SPATA17: variants seen among roughly 807,000 people sequenced by gnomAD.
SPATA17 encodes the protein spermatogenesis-associated protein 17.
SPATA17 carries 53 observed loss-of-function variants against 62.2 expected under a neutral mutation model. The observed-to-expected ratio is 0.85, with a 90% CI of 0.68 to 1.07. The LOEUF (loss-of-function observed/expected upper bound fraction) is 1.07, where lower values mean the gene tolerates loss of function less well. SPATA17 is among the 50% of genes least tolerant of loss of function. The probability of loss-of-function intolerance (pLI) is 0.00; values close to 1 mark genes in which losing one functional copy is unlikely to be tolerated. For synonymous variants in SPATA17, 146 were observed against 146.8 expected (o/e 0.99, Z 0.04); for missense variants, 466 against 425.5 (o/e 1.10, Z -0.84).
chr1:217,773,781 A>G (rs1486649002), intron 6 of SPATA17, among the ~76,000 whole-genome samples: 1 of 152,122 alleles, frequency 6.6e-6, no homozygotes, highest in Non-Finnish European at 1.5e-5. Flanking sequence ...ATTATAGGTG[A>G]TACCTGTAGC....
At chr1:217,710,153 C>G (rs1334881574) in intron 5 of SPATA17, among the ~76,000 whole-genome samples, 1 of 152,112 alleles carries the variant, frequency 6.6e-6, no homozygotes, top group African/African-American at 2.4e-5. Flanking sequence ...TTGTGTGGTA[C>G]ATATGCAAAA....
intron 4 of SPATA17, among the ~76,000 whole-genome samples, chr1:217,673,652 G>A (rs1028503633): frequency 2.6e-5 from 4 of 152,072 alleles, no homozygotes; most frequent in African/African-American, 4.8e-5. Flanking sequence ...ATGTACAACT[G>A]TATATCTTCT....
chr1:217,700,496 G>A (rs960345631), intron 5 of SPATA17, among the ~76,000 whole-genome samples: 1 of 151,966 alleles, frequency 6.6e-6, no homozygotes, highest in Non-Finnish European at 1.5e-5. Flanking sequence ...AAAATCTATT[G>A]AATAGATTTT....
chr1:217,715,420 A>T (rs1482810240), intron 5 of SPATA17, among the ~76,000 whole-genome samples: 1 of 152,188 alleles, frequency 6.6e-6, no homozygotes, highest in Non-Finnish European at 1.5e-5. Flanking sequence ...TCCAATTTTA[A>T]TCTTATATTA....
chr1:217,773,300 A>T (rs2102971336), intron 6 of SPATA17, among the ~76,000 whole-genome samples: 1 of 152,304 alleles, frequency 6.6e-6, no homozygotes, highest in South Asian at 2.1e-4. Flanking sequence ...GTAAGAATGG[A>T]TACATTTAAT....
chr1:217,794,702 T>C (rs1310648355), intron 8 of SPATA17, among the ~76,000 whole-genome samples: 2 of 152,216 alleles, frequency 1.3e-5, no homozygotes, highest in African/African-American at 2.4e-5. Context: ...ACTTGGACTC[T>C]TTGGTTTACA....
chr1:217,684,114 G>A (rs1558564741), intron 5 of SPATA17, among the ~76,000 whole-genome samples: 1 of 152,102 alleles, frequency 6.6e-6, no homozygotes, highest in Non-Finnish European at 1.5e-5. Context: ...GTTTTGATTT[G>A]TTTAAACACA....
chr1:217,737,788 C>T (rs1672543000), intron 5 of SPATA17: 1 of 151,712 alleles, frequency 6.6e-6, no homozygotes. Context: ...CAAAGAGCCC[C>T]ATAGTGATGC....
intron 9 of SPATA17, among the ~76,000 whole-genome samples, chr1:217,806,266 G>A (rs1674433636): frequency 6.6e-6 from 1 of 152,224 alleles, no homozygotes; most frequent in African/African-American, 2.4e-5. Flanking sequence ...CTGTGGGTGA[G>A]GTAGAGTCTC....
At chr1:217,652,736 T>C (rs1344756193) in intron 3 of SPATA17, among the ~76,000 whole-genome samples, 1 of 152,194 alleles carries the variant, frequency 6.6e-6, no homozygotes, top group Non-Finnish European at 1.5e-5. Context: ...GCATTAAATA[T>C]GCAATATCTC....
intron 5 of SPATA17, among the ~76,000 whole-genome samples, chr1:217,688,737 T>C (rs11117907): frequency 0.048 from 7,312 of 152,234 alleles, 576 homozygotes; most frequent in African/African-American, 0.16. Context: ...CTCATCTGCA[T>C]GCCCGGAGAC....
In SPATA17 at chr1:217,867,981, T is replaced by G. The variant is rs530373642; in HGVS notation, c.*962T>G. The G allele has an allele frequency of 6.6e-6, 1 of 152,210 alleles. No individual in the cohort carries two copies. Among genetic ancestry groups the G allele is most frequent in the African/African-American group, 2.4e-5 (1 of 41,550 alleles). The allele number at this position is 152,210 out of a possible 1,614,324, so 9.4% of individuals were successfully genotyped here. ...TTGCTGGCCAGCGAAATCCAGACTC[T>G]GGGAAATGTTATAGGCCAAATGATC... On this transcript the variant is annotated 3_prime_UTR_variant, in exon 11 of 11. Coordinates refer to ENST00000366933, the MANE Select transcript of SPATA17 (RefSeq NM_138796.4).
intron 6 of SPATA17, among the ~76,000 whole-genome samples, chr1:217,756,301 T>C (rs902294866): frequency 4.1e-5 from 6 of 145,864 alleles, no homozygotes; most frequent in African/African-American, 1.5e-4. Flanking sequence ...ATGTCTATAT[T>C]TGCCCAAATA....
At chr1:217,777,565 C>G (rs1673623905) in intron 7 of SPATA17, among the ~76,000 whole-genome samples, 2 of 152,026 alleles carry the variant, frequency 1.3e-5, no homozygotes, top group Non-Finnish European at 2.9e-5. Flanking sequence ...CCATGCCCTG[C>G]TAAGTTTTGT....
intron 5 of SPATA17, among the ~76,000 whole-genome samples, chr1:217,717,420 G>A (rs1326350770): frequency 6.6e-6 from 1 of 152,034 alleles, no homozygotes; most frequent in Non-Finnish European, 1.5e-5. Flanking sequence ...AACCAGCCTG[G>A]ACAACATGGA....
intron 5 of SPATA17, among the ~76,000 whole-genome samples, chr1:217,696,385 C>T (rs902999756): frequency 6.6e-6 from 1 of 152,188 alleles, no homozygotes; most frequent in African/African-American, 2.4e-5. Flanking sequence ...GGCCTGCGCC[C>T]ACTGTCTGGC....
chr1:217,710,580 A>G lies in SPATA17; in HGVS notation c.395+27219A>G, dbSNP rs180675550. On this transcript the variant is annotated intron_variant, in intron 5 of 10. Coordinates refer to ENST00000366933, the MANE Select transcript of SPATA17 (RefSeq NM_138796.4). ...TGATTTTGTATAATATAGTTTGGCTAGAAAGATTTTTATGGATATTATTTT... is the reference window on the plus strand; with the variant it reads ...TGATTTTGTATAATATAGTTTGGCTGGAAAGATTTTTATGGATATTATTTT... 3.9e-3 allele frequency among the ~76,000 whole-genome samples: 593 copies of G among 152,296 alleles called. 2 individuals are homozygous for G. Among genetic ancestry groups the G allele is most frequent in the Non-Finnish European group, 6.7e-3 (459 of 68,000 alleles).
At chr1:217,772,726 C>T (rs1673481012) in intron 6 of SPATA17, among the ~76,000 whole-genome samples, 1 of 152,250 alleles carries the variant, frequency 6.6e-6, no homozygotes, top group South Asian at 2.1e-4. Flanking sequence ...TATTGAGTGC[C>T]TACTAAGTGC....
rs60577426 is a variant in SPATA17, at chr1:217,743,338, A to G, written c.519+1240A>G. On this transcript the variant is annotated intron_variant, in intron 6 of 10. Coordinates refer to ENST00000366933, the MANE Select transcript of SPATA17 (RefSeq NM_138796.4). ...TGTATAATTGAGGTGCTACATTTTT[A>G]TATAGAATTTCAAATCAAAAATTCC... 3.4e-3 allele frequency among the ~76,000 whole-genome samples: 513 copies of G among 152,272 alleles called. 2 individuals are homozygous for G. Among genetic ancestry groups the G allele is most frequent in the African/African-American group, 0.012 (487 of 41,584 alleles).
Sources: gnomAD v4.1 joint callset for allele counts (sites outside exome capture counted in the v4.1 genomes callset) on GRCh38, gnomAD v4.1.1 for gene constraint, MANE v1.5 for transcripts, NCBI Gene and HGNC (gene_info 2026-07-23, HGNC 2026-07-21) for gene names.